USP15: variants seen among roughly 807,000 people sequenced by gnomAD.
USP15 encodes ubiquitin carboxyl-terminal hydrolase 15.
In USP15, 18 loss-of-function variants were observed where a neutral mutation model predicts 127.1. The ratio of observed to expected loss-of-function variants is 0.14; its 90% CI spans 0.10 to 0.21. The LOEUF is 0.21. Ranked by LOEUF, USP15 falls within the 10% of genes least tolerant of loss-of-function variation. The probability of loss-of-function intolerance (pLI) is 1.00; values close to 1 mark genes in which losing one functional copy is unlikely to be tolerated. For missense variants in USP15, 805 were observed against 1,159.9 expected, an observed-to-expected ratio of 0.69 and a Z score of 4.44; for synonymous variants, 364 against 393.7, an observed-to-expected ratio of 0.92 and a Z score of 0.89.
chr12:62,349,331 CTTTG>C (rs951306170), intron 7 of USP15, 24 bp downstream of exon 7: 1 of 1,420,832 alleles, frequency 7.0e-7, no homozygotes, highest in Non-Finnish European at 9.3e-7. Flanking sequence ...CTTAAAAACT[CTTTG>C]TTTAATTGAT....
chr12:62,304,603 A>G, intron 3 of USP15: 2 of 380,744 alleles, frequency 5.3e-6, no homozygotes, highest in South Asian at 2.0e-5. Context: ...TGGTTCCCCT[A>G]GCTATAATGC....
chr12:62,287,082 CTG>C (rs1170974884), intron 1 of USP15, among the ~76,000 whole-genome samples: 2 of 152,124 alleles, frequency 1.3e-5, no homozygotes, highest in Non-Finnish European at 2.9e-5. Flanking sequence ...AGACCAAATA[CTG>C]TGTGTTCTCA....
Position 62,392,425 on chromosome 12 carries a change from T to C in USP15, c.2420+38T>C, listed in dbSNP as rs956190079. The stretch of plus-strand genomic sequence containing the variant: ...ATTAAATAATTGTTTTTGTTTTCTT[T>C]AAGGATTTATTCTGAGATATGTGCC... On this transcript the variant is annotated intron_variant, in intron 18 of 21. Coordinates refer to ENST00000280377, the MANE Select transcript of USP15 (RefSeq NM_001252078.2). The C allele has an allele frequency of 8.9e-6, 13 of 1,458,850 alleles. No individual in the cohort carries two copies. The African/African-American group carries it at 1.7e-4, about 19-fold the overall frequency. 90.4% of individuals were successfully genotyped at this position (1,458,850 alleles called of 1,614,324 possible).
chr12:62,351,985 A>G (rs2065981010), intron 7 of USP15, among the ~76,000 whole-genome samples: 1 of 151,836 alleles, frequency 6.6e-6, no homozygotes, highest in Non-Finnish European at 1.5e-5. Flanking sequence ...TTGTGGGAAG[A>G]CTTCAGATAG....
chr12:62,392,416 T>A (rs986533842), intron 18 of USP15, 29 bp downstream of exon 18: 1 of 1,507,716 alleles, frequency 6.6e-7, no homozygotes, highest in Non-Finnish European at 9.0e-7. Context: ...TAATTGTTTT[T>A]GTTTTCTTTA....
chr12:62,285,380 A>G (rs1379454957), intron 1 of USP15, among the ~76,000 whole-genome samples: 2 of 152,170 alleles, frequency 1.3e-5, no homozygotes, highest in Non-Finnish European at 2.9e-5. Flanking sequence ...CCCCTAAGAT[A>G]ATGGCCTCCA....
chr12:62,381,180 A>G (rs1476449163), intron 8 of USP15, among the ~76,000 whole-genome samples: 1 of 152,146 alleles, frequency 6.6e-6, no homozygotes, highest in Non-Finnish European at 1.5e-5. Context: ...CAATCAAGTA[A>G]AAGAAGGAAA....
intron 3 of USP15, among the ~76,000 whole-genome samples, chr12:62,312,114 T>C (rs12315645): frequency 0.22 from 33,915 of 151,576 alleles, 4,113 homozygotes; most frequent in African/African-American, 0.33. Flanking sequence ...GGCTCCAGGA[T>C]CTAGGTCTAA....
chr12:62,325,007 T>C (rs952207892), intron 5 of USP15, among the ~76,000 whole-genome samples: 16 of 152,050 alleles, frequency 1.1e-4, no homozygotes, highest in African/African-American at 3.9e-4. Context: ...CGTCATATTG[T>C]CTGTATTACA....
chr12:62,284,056 G>A (rs1162251226), intron 1 of USP15, among the ~76,000 whole-genome samples: 2 of 152,130 alleles, frequency 1.3e-5, no homozygotes, highest in Non-Finnish European at 2.9e-5. Flanking sequence ...TTCTAGGAAC[G>A]AATTTAGCAA....
At chr12:62,376,695 G>C (rs1403142233) in intron 8 of USP15, among the ~76,000 whole-genome samples, 1 of 152,096 alleles carries the variant, frequency 6.6e-6, no homozygotes, top group African/African-American at 2.4e-5. Flanking sequence ...TATATTCTCA[G>C]TTTTTATTAA....
At position 62,390,840 on chromosome 12, in the gene USP15, GTTTGATT is replaced by G. The variant is rs1292762876; in HGVS notation, c.1845-14_1845-8del. 1 of 1,558,310 alleles carries G rather than the reference GTTTGATT, an allele frequency of 6.4e-7. No individual in the cohort carries two copies. The highest frequency in any genetic ancestry group is 8.8e-7 in the Non-Finnish European group (1 of 1,136,212). ...TTTTTATCTTTGTAGTACTGAACTT[GTTTGATT>G]TTTGATTTTACTTAAGCCGATATGT... On this transcript the variant is annotated splice_polypyrimidine_tract_variant and intron_variant, in intron 14 of 21. Transcript: ENST00000280377.
At chr12:62,379,384 C>G (rs1221510633) in intron 8 of USP15, among the ~76,000 whole-genome samples, 5 of 152,016 alleles carry the variant, frequency 3.3e-5, no homozygotes, top group Non-Finnish European at 5.9e-5. Context: ...ATTTGGGCTT[C>G]CAATCTGTAA....
intron 4 of USP15, among the ~76,000 whole-genome samples, chr12:62,318,951 T>C (rs553081507): frequency 6.6e-6 from 1 of 152,324 alleles, no homozygotes; most frequent in African/African-American, 2.4e-5. Context: ...GCTACCACTT[T>C]GGTTAGGATT....
intron 6 of USP15, chr12:62,336,259 TC>T (rs913714141): frequency 3.0e-6 from 3 of 985,294 alleles, no homozygotes; most frequent in Admixed American, 6.2e-5. Context: ...TTTTCTGAAT[TC>T]CAGATTTTTC....
intron 1 of USP15, among the ~76,000 whole-genome samples, chr12:62,292,388 G>A (rs964906882): frequency 3.3e-5 from 5 of 152,194 alleles, no homozygotes; most frequent in Admixed American, 6.5e-5. Context: ...CCCTCCCCAT[G>A]GCAGGACCCC....
At chr12:62,331,343 A>G (rs1471214475) in intron 6 of USP15, among the ~76,000 whole-genome samples, 1 of 152,184 alleles carries the variant, frequency 6.6e-6, no homozygotes, top group Admixed American at 6.6e-5. Flanking sequence ...CTCATTTCTA[A>G]TAAGCTTGCA....
At chr12:62,383,324 C>A (rs926773358) in intron 9 of USP15, among the ~76,000 whole-genome samples, 2 of 151,872 alleles carry the variant, frequency 1.3e-5, no homozygotes, top group Non-Finnish European at 2.9e-5. Flanking sequence ...TTAAAAACAA[C>A]TTGTTTAATA....
At chr12:62,294,079 A>C in intron 1 of USP15, 100 bp from the exon 2 acceptor site, 2 of 1,252,896 alleles carry the variant, frequency 1.6e-6, no homozygotes, top group South Asian at 1.5e-5. Flanking sequence ...TGAAGTAGAT[A>C]TGTCTTTTAA....
Sources: allele counts gnomAD v4.1 joint callset (sites outside exome capture counted in the v4.1 genomes callset), GRCh38; gene constraint gnomAD v4.1.1; transcripts MANE v1.5; gene names NCBI Gene and HGNC (gene_info 2026-07-23, HGNC 2026-07-21).